The following RCAN3 variants were observed in gnomAD, a reference collection of about 807,000 sequenced individuals.
The protein encoded by RCAN3 is calcipressin-3.
In RCAN3, 19 loss-of-function variants were observed where a neutral mutation model predicts 21.9. The ratio of observed to expected loss-of-function variants is 0.87; its 90% CI spans 0.61 to 1.27. The LOEUF is 1.27. Ranked by LOEUF, RCAN3 falls within the 50% of genes most tolerant of loss-of-function variation. The pLI, the probability that RCAN3 is intolerant of heterozygous loss-of-function variation, is 0.00. For missense variants in RCAN3, 240 were observed against 300.1 expected (o/e 0.80, Z 1.48); for synonymous variants, 114 against 112.3 (o/e 1.01, Z -0.09).
chr1:24,530,759 C>G (rs1034758529), intron 2 of RCAN3, among the ~76,000 whole-genome samples: 1 of 152,098 alleles, frequency 6.6e-6, no homozygotes, highest in Non-Finnish European at 1.5e-5. Context: ...GCCTGTAATC[C>G]CAGCACTTTG....
rs1648541076 is a variant in RCAN3 at position 24,518,693 on chromosome 1, A to G, written c.195+4126A>G. Among the ~76,000 whole-genome samples the G allele has an allele frequency of 3.9e-5, 6 of 152,222 alleles. No individual in the cohort carries two copies. In the South Asian group the frequency reaches 1.2e-3, roughly 32 times the overall value. On this transcript the variant is annotated intron_variant, in intron 2 of 4. Coordinates refer to ENST00000374395, the MANE Select transcript of RCAN3 (RefSeq NM_013441.4). ...CTGCAGCCTTGACCTCCTGGGCTCA[A>G]GCAATCCTCCTACCTCAGCCTCTCG...
intron 2 of RCAN3, among the ~76,000 whole-genome samples, chr1:24,524,025 G>A (rs1309161106): frequency 2.6e-5 from 4 of 152,154 alleles, no homozygotes; most frequent in African/African-American, 4.8e-5. Flanking sequence ...TCAGGAGTTC[G>A]AGACCAGCCT....
chr1:24,533,643 A>G (rs897442371), intron 4 of RCAN3, among the ~76,000 whole-genome samples: 3 of 152,082 alleles, frequency 2.0e-5, no homozygotes, highest in Admixed American at 2.0e-4. Flanking sequence ...CTACTAAAAT[A>G]TAAAAAATTA....
chr1:24,527,864 T>C (rs1272610954), intron 2 of RCAN3, among the ~76,000 whole-genome samples: 1 of 152,148 alleles, frequency 6.6e-6, no homozygotes, highest in African/African-American at 2.4e-5. Context: ...TGATTGAAAT[T>C]AGGCTTTTCA....
At chr1:24,515,960 T>A (rs1230714577) in intron 2 of RCAN3, among the ~76,000 whole-genome samples, 4 of 152,168 alleles carry the variant, frequency 2.6e-5, no homozygotes, top group Non-Finnish European at 5.9e-5. Context: ...CTGACCAACA[T>A]GGTGAAACCC....
chr1:24,534,154 T>C (rs1421410583), intron 4 of RCAN3, among the ~76,000 whole-genome samples: 1 of 152,192 alleles, frequency 6.6e-6, no homozygotes, highest in South Asian at 2.1e-4. Context: ...ATGTCTCTTG[T>C]AGGGGAATAA....
chr1:24,533,399 G>T, intron 4 of RCAN3, 145 bp downstream of exon 4: 1 of 576,972 alleles, frequency 1.7e-6, no homozygotes, highest in Admixed American at 4.0e-5. Flanking sequence ...TGTGGCATCT[G>T]CTTGCTCTGT....
At chr1:24,507,742 AGTT>A (rs1647551736) in intron 1 of RCAN3, 2 of 152,250 alleles carry the variant, frequency 1.3e-5, no homozygotes, top group Admixed American at 6.5e-5. Context: ...AGTTAAAAAC[AGTT>A]GTTGTACCTG....
intron 2 of RCAN3, among the ~76,000 whole-genome samples, chr1:24,522,702 G>A (rs1557572807): frequency 6.6e-6 from 1 of 152,318 alleles, no homozygotes; most frequent in East Asian, 1.9e-4. Context: ...GCTTCTCCAA[G>A]GAGCCCAGGT....
At chr1:24,514,726 T>TGGGA (rs2148896506) in intron 2 of RCAN3, among the ~76,000 whole-genome samples, 159 bp downstream of exon 2, 1 of 152,128 alleles carries the variant, frequency 6.6e-6, no homozygotes, top group African/African-American at 2.4e-5. Context: ...CCCAGCACTT[T>TGGGA]GGGAGGCTGA....
chr1:24,538,603 CGG>C lies in RCAN3; in HGVS notation c.*3329_*3330del, dbSNP rs1320540191. ...TTTTTTTTTTTTTTATAAGTAGAGA[CGG>C]GGTTTCACCACGTTAGCCAGGATGG... On this transcript the variant is annotated 3_prime_UTR_variant, in exon 5 of 5. Transcript: ENST00000374395. 2 of 139,554 alleles carry C rather than the reference CGG, an allele frequency of 1.4e-5. No individual in the cohort carries two copies. Among genetic ancestry groups the C allele is most frequent in the African/African-American group, 5.9e-5 (2 of 33,728 alleles). The allele number at this position is 139,554 out of a possible 1,614,324, so 8.6% of individuals were successfully genotyped here.
Position 24,540,699 on chromosome 1 carries a change from A to G in RCAN3, c.*5422A>G, listed in dbSNP as rs796775254. The G allele has an allele frequency of 7.9e-5, 12 of 152,230 alleles. No homozygotes were observed. The highest frequency in any genetic ancestry group is 2.9e-4 in the African/African-American group (12 of 41,538). The allele number at this position is 152,230 out of a possible 1,614,324, so 9.4% of individuals were successfully genotyped here. A position where few individuals can be genotyped will look rare whatever the true frequency, so the allele number is the denominator to read the frequency against. ...TTAATTGAACCCAAGAGTCAAAGTT[A>G]TTATTTTCTCCGAACGTGTTTGTGA... On this transcript the variant is annotated 3_prime_UTR_variant, in exon 5 of 5. Transcript: ENST00000374395.
At chr1:24,502,391 G>C (rs566114587), upstream of RCAN3, 2 of 152,598 alleles carry the variant, frequency 1.3e-5, no homozygotes, top group Non-Finnish European at 2.9e-5. Context: ...GCCTCTCCTC[G>C]GGCAATGAGG....
At chr1:24,509,586 C>A (rs1415413948) in intron 1 of RCAN3, among the ~76,000 whole-genome samples, 1 of 152,202 alleles carries the variant, frequency 6.6e-6, no homozygotes, top group Non-Finnish European at 1.5e-5. Flanking sequence ...TCAGTCACAT[C>A]TTTAGGCTCC....
At chr1:24,508,690 C>G (rs190396566) in intron 1 of RCAN3, among the ~76,000 whole-genome samples, 2 of 152,056 alleles carry the variant, frequency 1.3e-5, no homozygotes, top group African/African-American at 2.4e-5. Context: ...CAGGCTTGTT[C>G]GGGGATATCG....
chr1:24,536,287 T>C lies in RCAN3; in HGVS notation c.*1010T>C, dbSNP rs1284724717. ...TGTAAATTGTCCATTTAACCATTTTTCAGCTTGCTTTGAAACAAAAGTCAC... is the reference window on the plus strand; with the variant it reads ...TGTAAATTGTCCATTTAACCATTTTCCAGCTTGCTTTGAAACAAAAGTCAC... On this transcript the variant is annotated 3_prime_UTR_variant, in exon 5 of 5. Transcript: ENST00000374395. 2 of 152,238 alleles carry C rather than the reference T, an allele frequency of 1.3e-5. No individual in the cohort carries two copies. Among genetic ancestry groups the C allele is most frequent in the Admixed American group, 6.5e-5 (1 of 15,288 alleles). 9.4% of individuals were successfully genotyped at this position (152,238 alleles called of 1,614,324 possible).
chr1:24,521,821 C>T (rs553690021), intron 2 of RCAN3, among the ~76,000 whole-genome samples: 1 of 150,830 alleles, frequency 6.6e-6, no homozygotes, highest in African/African-American at 2.4e-5. Flanking sequence ...GTACTCCAGC[C>T]TGGGTGACAA....
chr1:24,506,048 G>A (rs1415700264), intron 1 of RCAN3, among the ~76,000 whole-genome samples: 1 of 152,154 alleles, frequency 6.6e-6, no homozygotes, highest in Non-Finnish European at 1.5e-5. Flanking sequence ...CCAGAAGCCA[G>A]CCGTAGTTAG....
chr1:24,525,817 G>T lies in RCAN3; in HGVS notation c.196-5401G>T, dbSNP rs1278190804. 6.6e-6 allele frequency among the ~76,000 whole-genome samples: 1 copy of T among 152,096 alleles called. No homozygotes were observed. Among genetic ancestry groups the T allele is most frequent in the Non-Finnish European group, 1.5e-5 (1 of 68,020 alleles). ...TCGTGCTAATGCCGGGTTATCAGGG[G>T]CAGCCTCAGGAATCTACATGGGGAT... On this transcript the variant is annotated intron_variant, in intron 2 of 4. Coordinates refer to ENST00000374395, the MANE Select transcript of RCAN3 (RefSeq NM_013441.4). The surrounding 1 kb of genome is among the most constrained non-coding windows in gnomAD (Gnocchi z 4.1).
Sources: allele counts gnomAD v4.1 joint callset (sites outside exome capture counted in the v4.1 genomes callset), GRCh38; gene constraint gnomAD v4.1.1; non-coding constraint Gnocchi (gnomAD v3.1); transcripts MANE v1.5; gene names NCBI Gene and HGNC (gene_info 2026-07-23, HGNC 2026-07-21).